C16orf96: variants seen among roughly 807,000 people sequenced by gnomAD.
The protein encoded by C16orf96 is chromosome 16 open reading frame 96, also known as uncharacterized protein C16orf96.
In C16orf96, 108 loss-of-function variants were observed where a neutral mutation model predicts 103.6. The ratio of observed to expected loss-of-function variants is 1.04; its 90% CI spans 0.89 to 1.22. C16orf96 has a LOEUF of 1.22. Among genes scored for constraint, C16orf96 ranks in the 50% most tolerant of loss-of-function variants. The pLI, the probability that C16orf96 is intolerant of heterozygous loss-of-function variation, is 0.00. For missense variants in C16orf96, 1,586 were observed against 1,464.2 expected, an observed-to-expected ratio of 1.08 and a Z score of -1.36; for synonymous variants, 566 against 593.5, an observed-to-expected ratio of 0.95 and a Z score of 0.67.
chr16:4,577,310 C>G (rs919287600), intron 5 of C16orf96, among the ~76,000 whole-genome samples: 1 of 152,012 alleles, frequency 6.6e-6, no homozygotes, highest in African/African-American at 2.4e-5. Flanking sequence ...GGCAGGAAGA[C>G]TGCTTGAACT....
chr16:4,591,188 AAAAT>A (rs778307259), intron 9 of C16orf96, among the ~76,000 whole-genome samples: 12 of 152,232 alleles, frequency 7.9e-5, no homozygotes, highest in Non-Finnish European at 1.2e-4. Flanking sequence ...CTCTGTCTCA[AAAAT>A]AAATAAATAA....
intron 7 of C16orf96, 43 bp downstream of exon 7, chr16:4,580,168 G>C: frequency 7.1e-7 from 1 of 1,412,834 alleles, no homozygotes; most frequent in East Asian, 2.8e-5. Flanking sequence ...GGCAAAGGGA[G>C]AATTCCTCAC....
At chr16:4,572,385 C>T (rs373993172) in intron 2 of C16orf96, among the ~76,000 whole-genome samples, 139,078 of 146,860 alleles carry the variant, frequency 0.95, 66,332 homozygotes, top group East Asian at 1. Flanking sequence ...CTGCAACCTC[C>T]ACCTCCCGGG....
At chr16:4,585,327 G>T (rs1314203874) in intron 7 of C16orf96, among the ~76,000 whole-genome samples, 1 of 150,484 alleles carries the variant, frequency 6.6e-6, no homozygotes, top group East Asian at 1.9e-4. Flanking sequence ...GGTAGGTGGT[G>T]TCACCTGCAG....
intron 6 of C16orf96, among the ~76,000 whole-genome samples, chr16:4,579,770 C>T (rs1173544108): frequency 6.6e-6 from 1 of 152,080 alleles, no homozygotes; most frequent in African/African-American, 2.4e-5. Context: ...CGCCACCACA[C>T]CTGGCTAATT....
Position 4,559,759 on chromosome 16 carries a change from T to G in C16orf96, c.420+2850T>G, listed in dbSNP as rs552881650. 3.3e-5 allele frequency among the ~76,000 whole-genome samples: 5 copies of G among 152,208 alleles called. No homozygotes were observed. In the South Asian group the frequency reaches 1.0e-3, roughly 32 times the overall value. ...GAAAAAACCCTATTTCCCCTTTACT[T>G]CTCCTCCCTGCAACCCCTGACAACC... is the stretch of plus-strand genomic sequence containing the variant. On this transcript the variant is annotated intron_variant, in intron 1 of 15. Transcript: ENST00000444310.
At chr16:4,562,250 G>T (rs181853420) in intron 1 of C16orf96, among the ~76,000 whole-genome samples, 1 of 152,180 alleles carries the variant, frequency 6.6e-6, no homozygotes, top group East Asian at 1.9e-4. Context: ...TGAGGTGGGA[G>T]GATCGCTTGA....
the C16orf96 span, among the ~76,000 whole-genome samples, chr16:4,549,102 T>G: frequency 2.0e-5 from 3 of 151,964 alleles, 1 homozygote; most frequent in Admixed American, 2.0e-4. Context: ...GGAGACCCTA[T>G]TAAAAAAAGT....
rs1316489029 is a variant in C16orf96 at position 4,575,540 on chromosome 16, C to G, written c.1060C>G (p.Pro354Ala). The G allele has an allele frequency of 1.3e-6, 2 of 1,541,352 alleles. No individual in the cohort carries two copies. Among genetic ancestry groups the G allele is most frequent in the East Asian group, 4.9e-5 (2 of 40,894 alleles). ...LEPVPALGPV[P>A]GPSVTPGSLP... Reference sequence around the variant, plus strand: ...GCCTGTGCCTGCCCTGGGGCCTGTCCCAGGGCCCAGTGTGACACCTGGGTC... The same window carrying G: ...GCCTGTGCCTGCCCTGGGGCCTGTCGCAGGGCCCAGTGTGACACCTGGGTC... Residue 354 changes from proline to alanine, a missense_variant, in exon 5 of 16, where the codon CCA becomes GCA. Coordinates refer to ENST00000444310, the MANE Select transcript of C16orf96 (RefSeq NM_001145011.2).
intron 1 of C16orf96, chr16:4,561,770 C>G (rs1277460802): frequency 6.6e-6 from 1 of 152,210 alleles, no homozygotes; most frequent in South Asian, 2.1e-4. Flanking sequence ...GCAAACTGCA[C>G]AGCTAACTGT....
At chr16:4,595,911 G>A (rs1223754861) in intron 14 of C16orf96, among the ~76,000 whole-genome samples, 3 of 151,904 alleles carry the variant, frequency 2.0e-5, no homozygotes, top group African/African-American at 7.3e-5. Flanking sequence ...GTTTCACCAT[G>A]TTTGGCCTCA....
intron 15 of C16orf96, 62 bp from the exon 16 acceptor site, chr16:4,600,038 A>C: frequency 7.0e-7 from 1 of 1,436,630 alleles, no homozygotes; most frequent in East Asian, 2.5e-5. Flanking sequence ...TGGCCCCATC[A>C]GGCTAGTGTC....
At chr16:4,557,639 TA>T (rs1447950143) in intron 1 of C16orf96, among the ~76,000 whole-genome samples, 2 of 152,152 alleles carry the variant, frequency 1.3e-5, no homozygotes, top group South Asian at 2.1e-4. Flanking sequence ...ATTGTTCACT[TA>T]AAAATGGCTA....
chr16:4,596,340 C>T (rs1016634644), intron 14 of C16orf96, among the ~76,000 whole-genome samples: 2 of 152,112 alleles, frequency 1.3e-5, no homozygotes, highest in African/African-American at 4.8e-5. Flanking sequence ...CAAAAATTAG[C>T]CAGCCATGGT....
the C16orf96 span, among the ~76,000 whole-genome samples, chr16:4,545,994 T>G: frequency 7.6e-6 from 1 of 131,790 alleles, no homozygotes; most frequent in Non-Finnish European, 1.6e-5. Flanking sequence ...GGACTACAGG[T>G]GCACACCACC....
intron 10 of C16orf96, 88 bp from the exon 11 acceptor site, chr16:4,592,217 T>G: frequency 6.6e-7 from 1 of 1,507,076 alleles, no homozygotes; most frequent in Non-Finnish European, 9.0e-7. Flanking sequence ...GCAGGAGGGA[T>G]GCAGCCCTGG....
In C16orf96 at chr16:4,576,327, C is replaced by T. The variant is rs1205325709; in HGVS notation, c.1847C>T (p.Pro616Leu). ...AIATDTAAAG[P>L]LGVFADVLGA... ...GCAACAGACACGGCTGCAGCTGGGC[C>T]CCTAGGGGTCTTTGCAGATGTCCTG... The change falls in exon 5 of 16, where the codon CCC becomes CTC. Residue 616 changes from proline (P) to leucine (L), a missense_variant. Pro to Leu is a moderately conservative substitution (Grantham distance 98, BLOSUM62 -3). Coordinates refer to ENST00000444310, the MANE Select transcript of C16orf96 (RefSeq NM_001145011.2). 2 of 1,550,634 alleles carry T rather than the reference C, an allele frequency of 1.3e-6. No homozygotes were observed. Among genetic ancestry groups the T allele is most frequent in the South Asian group, 1.2e-5 (1 of 84,070 alleles).
intron 9 of C16orf96, among the ~76,000 whole-genome samples, chr16:4,590,636 G>A (rs1897035615): frequency 6.6e-6 from 1 of 151,988 alleles, no homozygotes; most frequent in Admixed American, 6.6e-5. Flanking sequence ...TGTAATCCCA[G>A]CACTTTGGGA....
intron 9 of C16orf96, among the ~76,000 whole-genome samples, chr16:4,588,701 CTT>C (rs35941814): frequency 0.59 from 46,932 of 79,006 alleles, 13,450 homozygotes; most frequent in East Asian, 0.72. Flanking sequence ...GCAGCAATGT[CTT>C]TTTTTTTTTT....
Sources: gnomAD v4.1 joint callset for allele counts (sites outside exome capture counted in the v4.1 genomes callset) on GRCh38, gnomAD v4.1.1 for gene constraint, MANE v1.5 for transcripts, NCBI Gene and HGNC (gene_info 2026-07-23, HGNC 2026-07-21) for gene names.